ANKHD1: variants seen among roughly 807,000 people sequenced by gnomAD.
ANKHD1 encodes the protein ankyrin repeat and KH domain-containing protein 1.
A neutral mutation model predicts 230.5 loss-of-function variants in ANKHD1; 31 were observed. The ratio of observed to expected loss-of-function variants is 0.13; its 90% CI spans 0.10 to 0.18. The LOEUF is 0.18. Among genes scored for constraint, ANKHD1 ranks in the 10% least tolerant of loss-of-function variants. The probability of loss-of-function intolerance (pLI) is 1.00; values close to 1 mark genes in which losing one functional copy is unlikely to be tolerated. For synonymous variants in ANKHD1, 1,074 were observed against 1,117.6 expected (o/e 0.96, Z 0.78); for missense variants, 2,256 against 3,071.3 (o/e 0.73, Z 6.27).
At chr5:140,486,704 C>T (rs1406690937) in intron 13 of ANKHD1, 3 of 241,622 alleles carry the variant, frequency 1.2e-5, no homozygotes, top group Non-Finnish European at 2.4e-5. Flanking sequence ...ACCAGCAAGG[C>T]GTTCTATTCA....
At chr5:140,462,056 A>G (rs938119880) in intron 9 of ANKHD1, among the ~76,000 whole-genome samples, 1 of 152,108 alleles carries the variant, frequency 6.6e-6, no homozygotes, top group African/African-American at 2.4e-5. Flanking sequence ...TTCCCAGAGT[A>G]TGGATTTTCC....
chr5:140,428,950 T>TG (rs1001555732), intron 1 of ANKHD1, among the ~76,000 whole-genome samples: 1 of 151,032 alleles, frequency 6.6e-6, no homozygotes, highest in Non-Finnish European at 1.5e-5. Context: ...GTCTGGCAAA[T>TG]TTTTTTTGTA....
At chr5:140,462,620 G>T (rs950921308) in intron 9 of ANKHD1, among the ~76,000 whole-genome samples, 8 of 149,776 alleles carry the variant, frequency 5.3e-5, no homozygotes, top group Non-Finnish European at 1.2e-4. Context: ...GGCTACTCAG[G>T]AGGCTGAGGC....
At chr5:140,440,383 C>A in intron 4 of ANKHD1, 117 bp downstream of exon 4, 1 of 1,376,724 alleles carries the variant, frequency 7.3e-7, no homozygotes, top group Admixed American at 3.0e-5. Flanking sequence ...TTCCCCCATC[C>A]TCCTTCCCTT....
At chr5:140,406,549 A>G (rs1770469212) in intron 1 of ANKHD1, among the ~76,000 whole-genome samples, 2 of 151,112 alleles carry the variant, frequency 1.3e-5, no homozygotes, top group African/African-American at 4.9e-5. Context: ...ATGGACTCAC[A>G]TCTTTCAGTA....
At chr5:140,459,061 C>G in intron 8 of ANKHD1, 103 bp from the exon 9 acceptor site, 1 of 1,049,438 alleles carries the variant, frequency 9.5e-7, no homozygotes, top group Non-Finnish European at 1.2e-6. Context: ...TGGAGGAAAC[C>G]ACAGAAGCAG....
At chr5:140,467,337 G>A (rs1296874983) in intron 10 of ANKHD1, among the ~76,000 whole-genome samples, 2 of 152,102 alleles carry the variant, frequency 1.3e-5, no homozygotes, top group Non-Finnish European at 2.9e-5. Context: ...TTTTAAAAAT[G>A]TATAGCCTCT....
At chr5:140,511,443 C>T (rs1481889511) in intron 22 of ANKHD1, among the ~76,000 whole-genome samples, 1 of 152,198 alleles carries the variant, frequency 6.6e-6, no homozygotes, top group Non-Finnish European at 1.5e-5. Flanking sequence ...CATCTGTTAG[C>T]TCCAATTTTA....
At chr5:140,537,132 C>T in intron 30 of ANKHD1, 1 of 384,198 alleles carries the variant, frequency 2.6e-6, no homozygotes, top group South Asian at 8.4e-5. Context: ...ATTGGGAAAA[C>T]ATTTTTTAGA....
chr5:140,458,313 T>A (rs1775374259), intron 7 of ANKHD1, among the ~76,000 whole-genome samples: 1 of 152,182 alleles, frequency 6.6e-6, no homozygotes, highest in Non-Finnish European at 1.5e-5. Context: ...CACAGTTTTT[T>A]GAACTTCAAA....
intron 1 of ANKHD1, among the ~76,000 whole-genome samples, chr5:140,428,062 A>G (rs1162855777): frequency 4.6e-5 from 7 of 151,410 alleles, no homozygotes; most frequent in Non-Finnish European, 1.0e-4. Context: ...GACGCTCCTC[A>G]CTTCCTAGAT....
In ANKHD1 at chr5:140,525,963, C is replaced by T. The variant is rs761576111; in HGVS notation, c.4493-33C>T. The stretch of plus-strand genomic sequence containing the variant: ...AGAATTTGTTTTGAGATCTGTGACT[C>T]AGTATGATTTTTATTCTTTTTAACA... On this transcript the variant is annotated intron_variant, in intron 25 of 33. Transcript: ENST00000360839. 6.5e-6 allele frequency: 10 copies of T among 1,529,898 alleles called. No homozygotes were observed. The East Asian group carries it at 1.8e-4, about 28-fold the overall frequency. The allele number at this position is 1,529,898 out of a possible 1,614,324, so 94.8% of individuals were successfully genotyped here. A position where few individuals can be genotyped will look rare whatever the true frequency, so the allele number is the denominator to read the frequency against.
At chr5:140,428,316 A>T (rs1447343825) in intron 1 of ANKHD1, among the ~76,000 whole-genome samples, 26 of 152,346 alleles carry the variant, frequency 1.7e-4, no homozygotes, top group Admixed American at 3.9e-4. Flanking sequence ...GCGAGCCGAG[A>T]TCACGCCACT....
chr5:140,438,097 G>A (rs993887422), intron 2 of ANKHD1, among the ~76,000 whole-genome samples: 1 of 152,184 alleles, frequency 6.6e-6, no homozygotes, highest in African/African-American at 2.4e-5. Context: ...AGATACTACT[G>A]AAAATAGTAA....
intron 24 of ANKHD1, 38 bp from the exon 25 acceptor site, chr5:140,524,028 G>C: frequency 6.5e-7 from 1 of 1,540,252 alleles, no homozygotes; most frequent in South Asian, 1.3e-5. Flanking sequence ...TTACATTACT[G>C]CCTTATTGGT....
chr5:140,529,255 T>A lies in ANKHD1; in HGVS notation c.6309T>A (p.Ala2103=). Residue 2103 remains alanine, a synonymous_variant, in exon 29 of 34, where the codon GCT becomes GCA. Transcript: ENST00000360839. ...SMPFASNSEP[A]PLTLTSPRMV... ...CTTTTGCATCTAACTCAGAACCTGC[T>A]CCATTGACTTTGACATCACCCAGAA... is the stretch of plus-strand genomic sequence containing the variant. 6.2e-7 allele frequency: 1 copy of A among 1,614,216 alleles called. No individual in the cohort carries two copies. The highest frequency in any genetic ancestry group is 8.5e-7 in the Non-Finnish European group (1 of 1,180,042).
chr5:140,468,941 A>G (rs919375861), intron 10 of ANKHD1, among the ~76,000 whole-genome samples: 1 of 152,150 alleles, frequency 6.6e-6, no homozygotes, highest in Non-Finnish European at 1.5e-5. Context: ...TATTTGACTA[A>G]AATTTTATTG....
At chr5:140,451,190 AAAATTCAAGT>A (rs140746378) in intron 7 of ANKHD1, among the ~76,000 whole-genome samples, 3,030 of 152,168 alleles carry the variant, frequency 0.02, 105 homozygotes, top group African/African-American at 0.069. Flanking sequence ...AAAAACTTCA[AAAATTCAAGT>A]AAATTCAAGT....
intron 1 of ANKHD1, among the ~76,000 whole-genome samples, chr5:140,402,573 G>C (rs886303083): frequency 2.0e-5 from 3 of 152,180 alleles, no homozygotes; most frequent in African/African-American, 7.2e-5. Flanking sequence ...TTTGGAGTTG[G>C]GGGTGGGGGG....
Sources: gnomAD v4.1 joint callset for allele counts (sites outside exome capture counted in the v4.1 genomes callset) on GRCh38, gnomAD v4.1.1 for gene constraint, MANE v1.5 for transcripts, NCBI Gene and HGNC (gene_info 2026-07-23, HGNC 2026-07-21) for gene names.